Variants in SPEF2 observed in about 807,000 individuals in gnomAD.
SPEF2 encodes the protein sperm flagellar and cilia associated 2.
A neutral mutation model predicts 224.6 loss-of-function variants in SPEF2; 187 were observed. That is an observed-to-expected ratio of 0.83 (90% CI 0.74 to 0.94). The LOEUF is 0.94. SPEF2 is among the 40% of genes least tolerant of loss of function. The pLI, the probability that SPEF2 is intolerant of heterozygous loss-of-function variation, is 0.00. For synonymous variants in SPEF2, 715 were observed against 707.3 expected, an observed-to-expected ratio of 1.01 and a Z score of -0.17; for missense variants, 2,170 against 2,135.6, an observed-to-expected ratio of 1.02 and a Z score of -0.32.
chr5:35,702,764 A>G (rs1738906808), intron 16 of SPEF2, among the ~76,000 whole-genome samples: 2 of 152,218 alleles, frequency 1.3e-5, no homozygotes, highest in South Asian at 2.1e-4. Flanking sequence ...TGAACTGTGC[A>G]ATTTGGAGCC....
chr5:35,620,070 C>T (rs757482843), intron 1 of SPEF2, among the ~76,000 whole-genome samples: 12 of 152,030 alleles, frequency 7.9e-5, no homozygotes, highest in South Asian at 4.2e-4. Flanking sequence ...AGAGATAGAG[C>T]GAGAGAGTCC....
At position 35,814,382 on chromosome 5, in the gene SPEF2, A is replaced by T. The variant is rs562274127; in HGVS notation, c.5380-82A>T. ...TTTAATGGTTGCCATGTACTATGTG[A>T]TCATTTATTAGTATTTGTATAGTAT... On this transcript the variant is annotated intron_variant, in intron 36 of 36. Transcript: ENST00000356031. The T allele has an allele frequency of 1.1e-4, 73 of 670,614 alleles. No individual in the cohort carries two copies. In the Middle Eastern group the frequency reaches 3.1e-3, roughly 28 times the overall value. 41.5% of individuals were successfully genotyped at this position (670,614 alleles called of 1,614,324 possible). A position where few individuals can be genotyped will look rare whatever the true frequency, so the allele number is the denominator to read the frequency against.
chr5:35,788,571 A>G (rs900475697), intron 30 of SPEF2: 1 of 702,834 alleles, frequency 1.4e-6, no homozygotes, highest in Admixed American at 2.0e-5. Context: ...GTAGAAAGAA[A>G]TGATCCTCTG....
intron 25 of SPEF2, among the ~76,000 whole-genome samples, chr5:35,761,786 A>G (rs952329082): frequency 1.9e-4 from 29 of 152,216 alleles, no homozygotes; most frequent in African/African-American, 7.0e-4. Flanking sequence ...TCAGCACACA[A>G]TAGCAAGTTA....
intron 30 of SPEF2, among the ~76,000 whole-genome samples, chr5:35,782,722 G>A (rs1379949676): frequency 6.6e-6 from 1 of 151,620 alleles, no homozygotes; most frequent in Non-Finnish European, 1.5e-5. Context: ...CTAAGTATTG[G>A]TTAATCCCTT....
chr5:35,798,324 C>T (rs1485551981), intron 33 of SPEF2, among the ~76,000 whole-genome samples: 3 of 152,120 alleles, frequency 2.0e-5, no homozygotes, highest in Non-Finnish European at 4.4e-5. Flanking sequence ...CTGCCATGCT[C>T]CCTTTGCCAA....
intron 30 of SPEF2, chr5:35,790,254 A>C (rs1230202992): frequency 1.5e-6 from 1 of 649,030 alleles, no homozygotes; most frequent in Admixed American, 2.4e-5. Flanking sequence ...TCCAGACATT[A>C]ATAATTTTGA....
At chr5:35,742,116 A>C (rs1290299372) in intron 23 of SPEF2, among the ~76,000 whole-genome samples, 1 of 152,206 alleles carries the variant, frequency 6.6e-6, no homozygotes, top group Admixed American at 6.5e-5. Flanking sequence ...AGTCAATAGA[A>C]CATGTTTTCT....
chr5:35,673,146 T>TTTAGTAG (rs1751419013), intron 10 of SPEF2, among the ~76,000 whole-genome samples: 1 of 152,166 alleles, frequency 6.6e-6, no homozygotes, highest in Non-Finnish European at 1.5e-5. Flanking sequence ...TACCACAGCA[T>TTTAGTAG]AACAACATTG....
intron 12 of SPEF2, among the ~76,000 whole-genome samples, chr5:35,693,590 C>G (rs993790637): frequency 2.0e-5 from 3 of 152,144 alleles, no homozygotes; most frequent in Non-Finnish European, 4.4e-5. Context: ...CTTCATTCTG[C>G]AGAGCACACA....
intron 10 of SPEF2, among the ~76,000 whole-genome samples, chr5:35,685,690 G>T (rs1034615634): frequency 6.6e-6 from 1 of 151,888 alleles, no homozygotes; most frequent in East Asian, 1.9e-4. Context: ...TAATGATAGT[G>T]TAGTAATATT....
At chr5:35,789,626 T>A (rs1755674491) in intron 30 of SPEF2, 1 of 630,576 alleles carries the variant, frequency 1.6e-6, no homozygotes, top group Non-Finnish European at 2.8e-6. Context: ...TTCAAGGCTG[T>A]TTCAGAGATG....
chr5:35,621,512 G>A (rs1743505431), intron 1 of SPEF2, among the ~76,000 whole-genome samples: 1 of 152,114 alleles, frequency 6.6e-6, no homozygotes, highest in Non-Finnish European at 1.5e-5. Flanking sequence ...GAATATATAT[G>A]TTTAAGTAAC....
At chr5:35,789,040 T>A in intron 30 of SPEF2, 1 of 684,832 alleles carries the variant, frequency 1.5e-6, no homozygotes, top group Non-Finnish European at 2.7e-6. Flanking sequence ...CAGTAAGTAA[T>A]TTTGAAATAT....
intron 7 of SPEF2, among the ~76,000 whole-genome samples, chr5:35,655,530 A>T (rs1473714712): frequency 2.0e-5 from 3 of 152,194 alleles, no homozygotes; most frequent in African/African-American, 7.2e-5. Flanking sequence ...TGACACTTAG[A>T]GAAGTCCACC....
chr5:35,648,762 A>G (rs946002108), intron 5 of SPEF2, among the ~76,000 whole-genome samples: 2 of 152,166 alleles, frequency 1.3e-5, no homozygotes, highest in African/African-American at 4.8e-5. Flanking sequence ...TTAAAGAAAT[A>G]TTTGACTTTG....
chr5:35,627,783 A>G (rs1010214294), intron 1 of SPEF2, among the ~76,000 whole-genome samples: 1 of 152,194 alleles, frequency 6.6e-6, no homozygotes, highest in Admixed American at 6.5e-5. Flanking sequence ...AAACTCAGGA[A>G]GATGAAGCAG....
chr5:35,651,546 C>T (rs1748187329), intron 6 of SPEF2, among the ~76,000 whole-genome samples: 1 of 152,166 alleles, frequency 6.6e-6, no homozygotes, highest in African/African-American at 2.4e-5. Context: ...GAAGTGCTGG[C>T]CTAGAGCAAA....
In SPEF2 at chr5:35,641,537, C is replaced by T; in HGVS notation, c.268C>T (p.Pro90Ser). 6.2e-7 allele frequency: 1 copy of T among 1,613,682 alleles called. No individual in the cohort carries two copies. The change falls in exon 3 of 37, where the codon CCT becomes TCT. Residue 90 changes from proline (P) to serine (S), a missense_variant. By Grantham distance (74) the Pro-to-Ser change is moderately conservative. Transcript: ENST00000356031. Reference sequence around the variant, plus strand: ...GGCCCATGGCATCATCACAGAAAAGCCTGGGGTGGCAACAAAGCTGTTATA... The same window carrying T: ...GGCCCATGGCATCATCACAGAAAAGTCTGGGGTGGCAACAAAGCTGTTATA... ...NVAHGIITEK[P>S]GVATKLLYQL...
Sources: gnomAD v4.1 joint callset for allele counts (sites outside exome capture counted in the v4.1 genomes callset) on GRCh38, gnomAD v4.1.1 for gene constraint, MANE v1.5 for transcripts, NCBI Gene and HGNC (gene_info 2026-07-23, HGNC 2026-07-21) for gene names.